The following CTCF variants were observed in gnomAD, a reference collection of about 807,000 sequenced individuals.
CTCF encodes the protein CCCTC-binding factor, also known as transcriptional repressor CTCF.
A neutral mutation model predicts 72.3 loss-of-function variants in CTCF; 7 were observed. The ratio of observed to expected loss-of-function variants is 0.10; its 90% CI spans 0.06 to 0.18. CTCF has a LOEUF of 0.18. Among genes scored for constraint, CTCF ranks in the 10% least tolerant of loss-of-function variants. The pLI, the probability that CTCF is intolerant of heterozygous loss-of-function variation, is 1.00. For missense variants in CTCF, 516 were observed against 949.1 expected (o/e 0.54, Z 6.00); for synonymous variants, 374 against 315.8 (o/e 1.18, Z -1.95).
intron 2 of CTCF, among the ~76,000 whole-genome samples, chr16:67,574,403 G>C (rs1205306600): frequency 1.3e-5 from 2 of 152,002 alleles, no homozygotes; most frequent in African/African-American, 4.8e-5. Flanking sequence ...GTGCAGTGGC[G>C]TGATCTCGGC....
intron 5 of CTCF, 87 bp downstream of exon 5, chr16:67,616,965 T>C: frequency 7.3e-7 from 1 of 1,366,974 alleles, no homozygotes. Context: ...CCAAACGGAC[T>C]TAAGATGAGG....
rs981939756 is a variant in CTCF at position 67,610,994 on chromosome 16, C to T, written c.162C>T (p.Val54=). 1 of 1,607,816 alleles carries T rather than the reference C, an allele frequency of 6.2e-7. No homozygotes were observed. Among genetic ancestry groups the T allele is most frequent in the Non-Finnish European group, 8.5e-7 (1 of 1,174,722 alleles). The change falls in exon 3 of 12, where the codon GTC becomes GTT. Residue 54 remains valine (V), a synonymous_variant. Transcript: ENST00000264010. ...QTDGGEVVQD[V]NSSVQMVMME... ...ATGGGGGTGAGGTGGTCCAGGATGT[C>T]AACAGCAGTGTACAGATGGTGATGA...
At chr16:67,564,241 G>A (rs1008193331) in intron 1 of CTCF, among the ~76,000 whole-genome samples, 4 of 152,168 alleles carry the variant, frequency 2.6e-5, no homozygotes, top group Admixed American at 6.5e-5. Context: ...TTGCTTTTCC[G>A]TAAATATTCT....
intron 2 of CTCF, among the ~76,000 whole-genome samples, chr16:67,583,709 A>G (rs2051621807): frequency 6.6e-6 from 1 of 151,936 alleles, no homozygotes; most frequent in Non-Finnish European, 1.5e-5. Context: ...ACAAAAGAGC[A>G]TATATCTTGA....
Position 67,581,396 on chromosome 16 carries a change from C to T in CTCF, c.-10+10132C>T, listed in dbSNP as rs1393410631. On this transcript the variant is annotated intron_variant, in intron 2 of 11. Transcript: ENST00000264010. Reference sequence around the variant, plus strand: ...GGAGTGCAGTGGCATGATCTAGGCTCACTGCTACCTCTGCCTCCTGGGGTC... The same window carrying T: ...GGAGTGCAGTGGCATGATCTAGGCTTACTGCTACCTCTGCCTCCTGGGGTC... 1.3e-4 allele frequency among the ~76,000 whole-genome samples: 19 copies of T among 151,758 alleles called. No individual in the cohort carries two copies. In the East Asian group the frequency reaches 3.5e-3, roughly 28 times the overall value.
At chr16:67,577,395 G>A (rs1040469564) in intron 2 of CTCF, among the ~76,000 whole-genome samples, 5 of 150,028 alleles carry the variant, frequency 3.3e-5, no homozygotes, top group African/African-American at 9.8e-5. Context: ...ATGATAAAAG[G>A]TGTTTTTGCC....
At chr16:67,603,653 G>A (rs904738779) in intron 2 of CTCF, among the ~76,000 whole-genome samples, 18 of 151,494 alleles carry the variant, frequency 1.2e-4, no homozygotes, top group Non-Finnish European at 2.2e-4. Context: ...GTGAAACCCC[G>A]TCTCTACTAA....
At chr16:67,562,914 C>G (rs1377681844) in intron 1 of CTCF, among the ~76,000 whole-genome samples, 190 bp downstream of exon 1, 1 of 132,332 alleles carries the variant, frequency 7.6e-6, no homozygotes, top group African/African-American at 3.1e-5. Flanking sequence ...CCGCCCCCCC[C>G]ACCCCCACGC....
chr16:67,603,200 T>G (rs1368700362), intron 2 of CTCF, among the ~76,000 whole-genome samples: 1 of 151,818 alleles, frequency 6.6e-6, no homozygotes, highest in Non-Finnish European at 1.5e-5. Flanking sequence ...AAGACCAGCC[T>G]GGGCAACACA....
chr16:67,635,595 T>G (rs2052418605), intron 10 of CTCF: 1 of 152,400 alleles, frequency 6.6e-6, no homozygotes, highest in South Asian at 2.1e-4. Context: ...GTTCAAGTGA[T>G]TCTTCTGCCT....
At chr16:67,614,807 A>G (rs1388064729) in intron 4 of CTCF, 1 of 152,472 alleles carries the variant, frequency 6.6e-6, no homozygotes, top group African/African-American at 2.4e-5. Flanking sequence ...AGATCGTGCC[A>G]TTGCACTCCA....
At chr16:67,604,499 C>T (rs901131658) in intron 2 of CTCF, among the ~76,000 whole-genome samples, 1 of 152,076 alleles carries the variant, frequency 6.6e-6, no homozygotes, top group Non-Finnish European at 1.5e-5. Context: ...TCCGCCACCA[C>T]GCCCGGCTAA....
chr16:67,585,383 C>G (rs2051655997), intron 2 of CTCF, among the ~76,000 whole-genome samples: 1 of 152,200 alleles, frequency 6.6e-6, no homozygotes, highest in Non-Finnish European at 1.5e-5. Flanking sequence ...TTTCAGACAA[C>G]AAGAGCAGTA....
chr16:67,582,159 C>T (rs969988410), intron 2 of CTCF, among the ~76,000 whole-genome samples: 5 of 150,068 alleles, frequency 3.3e-5, no homozygotes, highest in Admixed American at 2.0e-4. Context: ...TGCAGTGAGC[C>T]GAGATCGTGC....
chr16:67,630,041 G>T (rs993523415), intron 10 of CTCF, among the ~76,000 whole-genome samples: 1 of 151,772 alleles, frequency 6.6e-6, no homozygotes, highest in African/African-American at 2.4e-5. Context: ...CTCCCAAAGT[G>T]CTGGGATTAC....
Position 67,610,972 on chromosome 16 carries a change from G to A in CTCF, c.140G>A (p.Gly47Glu), listed in dbSNP as rs778368665. The change falls in exon 3 of 12, where the codon GGG (glycine) becomes GAG (glutamate). Residue 47 changes from glycine to glutamate, a missense_variant. Gly to Glu is a moderately conservative substitution (Grantham distance 98). Coordinates refer to ENST00000264010, the MANE Select transcript of CTCF (RefSeq NM_006565.4). ...ACHLPQNQTDGGEVVQDVNSS... is the reference protein window; with the variant it reads ...ACHLPQNQTDEGEVVQDVNSS... Reference sequence around the variant, plus strand: ...CACTTACCCCAGAACCAGACGGATGGGGGTGAGGTGGTCCAGGATGTCAAC... The same window carrying A: ...CACTTACCCCAGAACCAGACGGATGAGGGTGAGGTGGTCCAGGATGTCAAC... 2.5e-6 allele frequency: 4 copies of A among 1,598,742 alleles called. No homozygotes were observed. Among genetic ancestry groups the A allele is most frequent in the Non-Finnish European group, 3.4e-6 (4 of 1,167,694 alleles).
At chr16:67,629,222 T>TC (rs1168969358) in intron 9 of CTCF, among the ~76,000 whole-genome samples, 176 bp from the exon 10 acceptor site, 3 of 151,504 alleles carry the variant, frequency 2.0e-5, no homozygotes, top group Non-Finnish European at 2.9e-5. Flanking sequence ...CTGCTGAGCC[T>TC]CCCCTTAGAG....
At chr16:67,569,471 A>G (rs998173987) in intron 1 of CTCF, among the ~76,000 whole-genome samples, 5 of 152,114 alleles carry the variant, frequency 3.3e-5, no homozygotes, top group African/African-American at 1.2e-4. Flanking sequence ...GGTGTGAGCC[A>G]TTGTGCCTGG....
intron 2 of CTCF, among the ~76,000 whole-genome samples, chr16:67,578,204 A>T (rs953180502): frequency 2.6e-5 from 4 of 152,174 alleles, no homozygotes; most frequent in Non-Finnish European, 5.9e-5. Context: ...AATAATGAAA[A>T]GTAATCCTCA....
Sources: gnomAD v4.1 joint callset for allele counts (sites outside exome capture counted in the v4.1 genomes callset) on GRCh38, gnomAD v4.1.1 for gene constraint, MANE v1.5 for transcripts, NCBI Gene and HGNC (gene_info 2026-07-23, HGNC 2026-07-21) for gene names.